KCNIP4: variants seen among roughly 807,000 people sequenced by gnomAD.
The protein encoded by KCNIP4 is Kv channel-interacting protein 4.
KCNIP4 carries 12 observed loss-of-function variants against 34.0 expected under a neutral mutation model. The ratio of observed to expected loss-of-function variants is 0.35; its 90% CI spans 0.23 to 0.57. The LOEUF is 0.57. Ranked by LOEUF, KCNIP4 falls within the 20% of genes least tolerant of loss-of-function variation. The probability of loss-of-function intolerance (pLI) is 0.83; values close to 1 mark genes in which losing one functional copy is unlikely to be tolerated. For synonymous variants in KCNIP4, 124 were observed against 102.2 expected, an observed-to-expected ratio of 1.21 and a Z score of -1.29; for missense variants, 238 against 311.7, an observed-to-expected ratio of 0.76 and a Z score of 1.78.
chr4:21,045,070 C>T lies in KCNIP4; in HGVS notation c.62-162361G>A, dbSNP rs185919027. Among the ~76,000 whole-genome samples the T allele has an allele frequency of 6.6e-5, 10 of 152,296 alleles. No individual in the cohort carries two copies. The East Asian group carries it at 9.7e-4, about 15-fold the overall frequency. On this transcript the variant is annotated intron_variant, in intron 1 of 8. Coordinates refer to ENST00000382152, the MANE Select transcript of KCNIP4 (RefSeq NM_025221.6). The stretch of plus-strand genomic sequence containing the variant: ...TGCATGCATTCTCCAGCTATGGGGA[C>T]GCATAATTTTTGCTTTTATGTTTAC...
chr4:21,612,422 G>T (rs1744227740), intron 1 of KCNIP4, among the ~76,000 whole-genome samples: 1 of 152,162 alleles, frequency 6.6e-6, no homozygotes, highest in Non-Finnish European at 1.5e-5. Flanking sequence ...AACTAGTCTG[G>T]GTAACATAGC....
At chr4:21,693,977 ATGGAAAAATG>A (rs1405802482) in intron 1 of KCNIP4, among the ~76,000 whole-genome samples, 1 of 152,164 alleles carries the variant, frequency 6.6e-6, no homozygotes, top group Non-Finnish European at 1.5e-5. Context: ...ATTCTTGATA[ATGGAAAAATG>A]TGTTCAGGTC....
intron 1 of KCNIP4, among the ~76,000 whole-genome samples, chr4:21,914,604 C>G (rs1381679332): frequency 2.0e-5 from 3 of 152,074 alleles, no homozygotes; most frequent in Non-Finnish European, 4.4e-5. Flanking sequence ...ACATGTCACC[C>G]ACCTAAAAAG....
intron 1 of KCNIP4, among the ~76,000 whole-genome samples, chr4:20,930,501 T>G (rs116250964): frequency 1.4e-3 from 219 of 151,944 alleles, no homozygotes; most frequent in African/African-American, 5.1e-3. Flanking sequence ...GAATCGAAAA[T>G]AAATAAATGG....
chr4:20,745,008 G>C (rs1752108020), intron 5 of KCNIP4, among the ~76,000 whole-genome samples: 1 of 152,130 alleles, frequency 6.6e-6, no homozygotes. Flanking sequence ...ACTAAACCTA[G>C]TCCAGGTCTA....
chr4:20,785,938 C>G (rs1486434594), intron 3 of KCNIP4, among the ~76,000 whole-genome samples: 3 of 151,792 alleles, frequency 2.0e-5, no homozygotes, highest in African/African-American at 7.3e-5. Context: ...CCCAGGAATA[C>G]CATTACTGGG....
chr4:21,071,803 C>T (rs1053671862), intron 1 of KCNIP4, among the ~76,000 whole-genome samples: 3 of 152,104 alleles, frequency 2.0e-5, no homozygotes, highest in Non-Finnish European at 4.4e-5. Flanking sequence ...TCCCCCTACC[C>T]CACAACAGTC....
chr4:21,851,783 G>A (rs1724419679), intron 1 of KCNIP4: 1 of 152,114 alleles, frequency 6.6e-6, no homozygotes, highest in Non-Finnish European at 1.5e-5. Flanking sequence ...GAATCTCCAA[G>A]CTTTAGTTTT....
intron 1 of KCNIP4, among the ~76,000 whole-genome samples, chr4:21,678,996 G>A (rs1465265569): frequency 6.6e-6 from 1 of 152,022 alleles, no homozygotes; most frequent in Admixed American, 6.6e-5. Flanking sequence ...GAGATACCAG[G>A]AGCACACAAG....
intron 1 of KCNIP4, among the ~76,000 whole-genome samples, chr4:21,016,705 T>C (rs992000258): frequency 8.5e-5 from 13 of 152,084 alleles, no homozygotes; most frequent in African/African-American, 2.7e-4. Flanking sequence ...CTCCGCCTTC[T>C]GGGTTCAAGC....
intron 1 of KCNIP4, among the ~76,000 whole-genome samples, chr4:21,334,824 G>T (rs942854464): frequency 1.6e-4 from 24 of 152,090 alleles, no homozygotes; most frequent in Non-Finnish European, 2.4e-4. Flanking sequence ...CCAACTCTGT[G>T]GTAGCATGTC....
At chr4:21,252,023 T>A (rs1429937557) in intron 1 of KCNIP4, among the ~76,000 whole-genome samples, 4 of 150,044 alleles carry the variant, frequency 2.7e-5, no homozygotes, top group Non-Finnish European at 4.4e-5. Flanking sequence ...ATAATAATAA[T>A]AAAAGAAATA....
At chr4:20,842,934 C>T (rs533004421) in intron 3 of KCNIP4, among the ~76,000 whole-genome samples, 17 of 147,196 alleles carry the variant, frequency 1.2e-4, no homozygotes, top group South Asian at 4.3e-4. Flanking sequence ...TTTTGAGACA[C>T]GATCTTACTG....
At chr4:20,874,259 C>A (rs2149513707) in intron 2 of KCNIP4, among the ~76,000 whole-genome samples, 1 of 152,270 alleles carries the variant, frequency 6.6e-6, no homozygotes, top group Admixed American at 6.5e-5. Context: ...AGGATTTGAA[C>A]CAAATAGGCT....
intron 1 of KCNIP4, among the ~76,000 whole-genome samples, chr4:21,552,747 G>C (rs1369956897): frequency 6.6e-6 from 1 of 152,058 alleles, no homozygotes; most frequent in Non-Finnish European, 1.5e-5. Context: ...TTGGCAGATT[G>C]ACCTTTCTTG....
chr4:21,086,340 G>A lies in KCNIP4; in HGVS notation c.62-203631C>T, dbSNP rs376451821. On this transcript the variant is annotated intron_variant, in intron 1 of 8. Transcript: ENST00000382152. ...CTCTATTGCAATTATCTATTTAAAT[G>A]CCCATCTCCATCGTTGCATTGAAAG... Among the ~76,000 whole-genome samples the A allele has an allele frequency of 5.3e-5, 8 of 152,158 alleles. No individual in the cohort carries two copies. In the South Asian group the frequency reaches 1.7e-3, roughly 32 times the overall value.
intron 1 of KCNIP4, among the ~76,000 whole-genome samples, chr4:21,413,286 G>C (rs1475844885): frequency 1.3e-5 from 2 of 152,106 alleles, no homozygotes; most frequent in East Asian, 3.9e-4. Context: ...ACATGGAAAA[G>C]GCCAGACTCA....
At chr4:21,223,161 G>T (rs1198678401) in intron 1 of KCNIP4, among the ~76,000 whole-genome samples, 2 of 152,092 alleles carry the variant, frequency 1.3e-5, no homozygotes, top group Non-Finnish European at 2.9e-5. Context: ...GTCCTTATAA[G>T]TGGGAGGCAA....
chr4:21,649,030 A>G (rs926927887), intron 1 of KCNIP4, among the ~76,000 whole-genome samples: 2 of 152,128 alleles, frequency 1.3e-5, no homozygotes, highest in Non-Finnish European at 1.5e-5. Context: ...AATTTAGTGG[A>G]AGATAAAGAC....
Sources: allele counts gnomAD v4.1 joint callset (sites outside exome capture counted in the v4.1 genomes callset), GRCh38; gene constraint gnomAD v4.1.1; transcripts MANE v1.5; gene names NCBI Gene and HGNC (gene_info 2026-07-23, HGNC 2026-07-21).